The following ANKRD18A variants were observed in gnomAD, a reference collection of about 807,000 sequenced individuals.
ANKRD18A encodes ankyrin repeat domain-containing protein 18A.
A neutral mutation model predicts 110.6 loss-of-function variants in ANKRD18A; 72 were observed. The observed-to-expected ratio is 0.65, with a 90% CI of 0.54 to 0.79. The LOEUF is 0.79. Among genes scored for constraint, ANKRD18A ranks in the 30% least tolerant of loss-of-function variants. ANKRD18A has a pLI of 0.00. For synonymous variants in ANKRD18A, 305 were observed against 410.3 expected (o/e 0.74, Z 3.10); for missense variants, 934 against 1,163.3 (o/e 0.80, Z 2.87).
chr9:38,573,452 C>T (rs543933122), intron 15 of ANKRD18A, among the ~76,000 whole-genome samples: 171 of 152,306 alleles, frequency 1.1e-3, no homozygotes, highest in African/African-American at 3.8e-3. Flanking sequence ...CACAGCAGCT[C>T]ATGCCTGTAA....
rs1241869149 is a variant in ANKRD18A at position 38,577,954 on chromosome 9, T to C, written c.2442A>G (p.Val814=). Reference sequence around the variant, plus strand: ...TATATTCTTGTAGTTTACCAAGTTCTACCATATCTTTTTCCATATGTGTCT... The same window carrying C: ...TATATTCTTGTAGTTTACCAAGTTCCACCATATCTTTTTCCATATGTGTCT... The part of the protein sequence containing the change: ...NLKTHMEKDM[V]ELGKLQEYKS... Residue 814 remains valine, a synonymous_variant, in exon 13 of 16, where the codon GTA becomes GTG. Coordinates refer to ENST00000399703, the MANE Select transcript of ANKRD18A (RefSeq NM_147195.4). 1.3e-6 allele frequency: 2 copies of C among 1,588,228 alleles called. No homozygotes were observed. Among genetic ancestry groups the C allele is most frequent in the East Asian group, 4.6e-5 (2 of 43,650 alleles).
At chr9:38,617,350 TAA>T (rs1825899942) in intron 1 of ANKRD18A, among the ~76,000 whole-genome samples, 1 of 152,008 alleles carries the variant, frequency 6.6e-6, no homozygotes, top group African/African-American at 2.4e-5. Flanking sequence ...TGAGGCAGGA[TAA>T]TCACTTGAAC....
intron 1 of ANKRD18A, among the ~76,000 whole-genome samples, chr9:38,616,931 T>C (rs561530796): frequency 1.6e-4 from 24 of 152,324 alleles, no homozygotes; most frequent in Admixed American, 1.1e-3. Context: ...ATTGGTAGCA[T>C]TTAAAAATCA....
chr9:38,576,749 T>A (rs1314107985), intron 14 of ANKRD18A, among the ~76,000 whole-genome samples: 1 of 152,024 alleles, frequency 6.6e-6, no homozygotes, highest in Non-Finnish European at 1.5e-5. Flanking sequence ...TATAACAAGA[T>A]CACTTTATTG....
At chr9:38,612,709 G>A (rs1395780788) in intron 3 of ANKRD18A, among the ~76,000 whole-genome samples, 4 of 151,990 alleles carry the variant, frequency 2.6e-5, no homozygotes, top group Admixed American at 2.6e-4. Flanking sequence ...AGTAGAGTTA[G>A]GGTTTCACCG....
At chr9:38,610,857 T>TATAATAATAATAATA (rs55823641) in intron 4 of ANKRD18A, among the ~76,000 whole-genome samples, 1,643 of 132,224 alleles carry the variant, frequency 0.012, 27 homozygotes, top group African/African-American at 0.028. Context: ...CAGCAACAAC[T>TATAATAATAATAATA]ATAATAATAA....
chr9:38,606,740 A>G (rs1825376231), intron 6 of ANKRD18A, among the ~76,000 whole-genome samples: 1 of 152,320 alleles, frequency 6.6e-6, no homozygotes. Context: ...CTAAATGTAA[A>G]CCATTTACTA....
chr9:38,572,073 G>GA lies in ANKRD18A; in HGVS notation c.2965-15dup, dbSNP rs767235337. The GA allele has an allele frequency of 9.6e-6, 15 of 1,563,584 alleles. No individual in the cohort carries two copies. The South Asian group carries it at 1.6e-4, about 16-fold the overall frequency. On this transcript the variant is annotated splice_polypyrimidine_tract_variant and intron_variant, in intron 15 of 15. Coordinates refer to ENST00000399703, the MANE Select transcript of ANKRD18A (RefSeq NM_147195.4). ...ACATAGCAAAACCTGGAAAGAAAAA[G>GA]AAAGGATTATGTTCTTTACCTAAAA... is the stretch of plus-strand genomic sequence containing the variant.
chr9:38,576,543 T>A (rs1432584312), intron 14 of ANKRD18A, among the ~76,000 whole-genome samples: 2 of 152,212 alleles, frequency 1.3e-5, no homozygotes, highest in South Asian at 4.1e-4. Context: ...CTTGAAAATG[T>A]TACACAAATA....
rs946702486 is a variant in ANKRD18A, at chr9:38,611,294, T to C, written c.523A>G (p.Ile175Val). The change falls in exon 4 of 16, where the codon ATA (isoleucine) becomes GTA (valine). Residue 175 changes from isoleucine (I) to valine (V), a missense_variant. Ile to Val is a conservative substitution (Grantham distance 29). This residue lies in a region of ANKRD18A where 630 missense variants were observed against 797.5 expected (regional missense o/e 0.79). Coordinates refer to ENST00000399703, the MANE Select transcript of ANKRD18A (RefSeq NM_147195.4). ...ACCATATGCTGTCTCCTGGAATTTA[T>C]AGCAAACAAAAGTGGAGTGTTTCCC... is the stretch of plus-strand genomic sequence containing the variant. ...KEGNTPLLFA[I>V]NSRRQHMVEF... The C allele has an allele frequency of 1.2e-5, 18 of 1,530,224 alleles. No individual in the cohort carries two copies. The highest frequency in any genetic ancestry group is 1.4e-5 in the African/African-American group (1 of 71,454). 94.8% of individuals were successfully genotyped at this position (1,530,224 alleles called of 1,614,324 possible).
At chr9:38,606,234 C>T (rs777444575) in intron 6 of ANKRD18A, among the ~76,000 whole-genome samples, 1 of 152,134 alleles carries the variant, frequency 6.6e-6, no homozygotes, top group Non-Finnish European at 1.5e-5. Flanking sequence ...ATTCCTAGTT[C>T]TAAAGACAGT....
chr9:38,584,283 G>A (rs1824281917), intron 12 of ANKRD18A, among the ~76,000 whole-genome samples: 1 of 152,202 alleles, frequency 6.6e-6, no homozygotes, highest in African/African-American at 2.4e-5. Context: ...GATGCAGCAT[G>A]AAAAATTATG....
chr9:38,603,689 C>T (rs1389568380), intron 6 of ANKRD18A, among the ~76,000 whole-genome samples: 2 of 151,936 alleles, frequency 1.3e-5, no homozygotes, highest in African/African-American at 4.8e-5. Flanking sequence ...TCCTATTTGG[C>T]CCTTTACAGA....
chr9:38,569,293 G>A, downstream of ANKRD18A: 3 of 959,630 alleles, frequency 3.1e-6, no homozygotes, highest in Non-Finnish European at 3.7e-6. Flanking sequence ...CAGGCACCTG[G>A]TGAGTGCTCA....
intron 5 of ANKRD18A, 71 bp from the exon 6 acceptor site, chr9:38,607,564 ATT>A: frequency 3.7e-6 from 4 of 1,094,652 alleles, no homozygotes; most frequent in South Asian, 1.9e-5. Context: ...AACAGATTAA[ATT>A]CTTAAAGCAT....
At chr9:38,569,034 C>T, downstream of ANKRD18A, 1 of 985,406 alleles carries the variant, frequency 1.0e-6, no homozygotes, top group Non-Finnish European at 1.2e-6. Context: ...CCATCTGGGG[C>T]TGCAGGGCAG....
intron 7 of ANKRD18A, among the ~76,000 whole-genome samples, chr9:38,601,461 A>G (rs1335369673): frequency 6.6e-6 from 1 of 152,194 alleles, no homozygotes; most frequent in Non-Finnish European, 1.5e-5. Context: ...ACCCAATATA[A>G]AAAAACAAAA....
intron 8 of ANKRD18A, among the ~76,000 whole-genome samples, chr9:38,600,537 G>A (rs2118812387): frequency 6.6e-6 from 1 of 152,256 alleles, no homozygotes; most frequent in Middle Eastern, 3.4e-3. Context: ...TTCTACTTAT[G>A]TTAAAACAAG....
intron 1 of ANKRD18A, 104 bp downstream of exon 1, chr9:38,619,976 G>T: frequency 7.1e-7 from 1 of 1,398,674 alleles, no homozygotes; most frequent in Non-Finnish European, 9.6e-7. Flanking sequence ...CCGCTGCTCC[G>T]AGGGTGCCCG....
Sources: gnomAD v4.1 joint callset for allele counts (sites outside exome capture counted in the v4.1 genomes callset) on GRCh38, gnomAD v4.1.1 for gene constraint, gnomAD v4.1.1 regional missense constraint, MANE v1.5 for transcripts, NCBI Gene and HGNC (gene_info 2026-07-23, HGNC 2026-07-21) for gene names.